The following EYA2 variants were observed in gnomAD, a reference collection of about 807,000 sequenced individuals.
EYA2 encodes EYA transcriptional coactivator and phosphatase 2, also known as protein phosphatase EYA2.
Under a neutral mutation model 69.2 loss-of-function variants are expected in EYA2, and 31 were observed. That is an observed-to-expected ratio of 0.45 (90% CI 0.34 to 0.60). EYA2 has a LOEUF of 0.60. Ranked by LOEUF, EYA2 falls within the 20% of genes least tolerant of loss-of-function variation. The pLI, the probability that EYA2 is intolerant of heterozygous loss-of-function variation, is 0.02. For missense variants in EYA2, 622 were observed against 701.2 expected (o/e 0.89, Z 1.28); for synonymous variants, 257 against 279.4 (o/e 0.92, Z 0.80).
intron 5 of EYA2, among the ~76,000 whole-genome samples, chr20:47,021,163 C>T (rs891305671): frequency 6.6e-6 from 1 of 152,146 alleles, no homozygotes; most frequent in African/African-American, 2.4e-5. Context: ...ACATTGTTAG[C>T]CTCACTTCAG....
At chr20:46,977,810 C>T (rs1436462929) in intron 1 of EYA2, among the ~76,000 whole-genome samples, 1 of 152,138 alleles carries the variant, frequency 6.6e-6, no homozygotes, top group African/African-American at 2.4e-5. Flanking sequence ...GACACTTCCC[C>T]ATGTTAAGGG....
intron 9 of EYA2, among the ~76,000 whole-genome samples, chr20:47,128,124 C>T (rs1171944762): frequency 1.3e-5 from 2 of 152,142 alleles, no homozygotes; most frequent in African/African-American, 4.8e-5. Context: ...CTGAGCCCTT[C>T]GGGGGCAGCT....
At chr20:47,001,280 G>T (rs1982350066) in intron 2 of EYA2, 148 bp from the exon 3 acceptor site, 3 of 708,046 alleles carry the variant, frequency 4.2e-6, no homozygotes, top group Non-Finnish European at 5.2e-6. Context: ...CTGAGATGTG[G>T]CGCCTCAGAT....
At chr20:46,946,461 T>C (rs1978462196) in intron 1 of EYA2, among the ~76,000 whole-genome samples, 1 of 152,188 alleles carries the variant, frequency 6.6e-6, no homozygotes, top group Non-Finnish European at 1.5e-5. Context: ...AAAAATATCA[T>C]TGTGCGAGGG....
chr20:46,914,791 C>G (rs776469573), intron 1 of EYA2, among the ~76,000 whole-genome samples: 3 of 152,164 alleles, frequency 2.0e-5, no homozygotes, highest in Non-Finnish European at 2.9e-5. Context: ...CTCTCAGATT[C>G]AAGGAGATAA....
chr20:46,952,918 C>T (rs888011247), intron 1 of EYA2, among the ~76,000 whole-genome samples: 8 of 152,188 alleles, frequency 5.3e-5, no homozygotes, highest in Non-Finnish European at 8.8e-5. Context: ...TATCAGGAGT[C>T]GTTGCACATC....
In EYA2 at chr20:47,161,469, A is replaced by G. The variant is rs546438694; in HGVS notation, c.979-7670A>G. The G allele has an allele frequency of 1.3e-5, 6 of 450,206 alleles. No homozygotes were observed. In the East Asian group the frequency reaches 2.9e-4, roughly 22 times the overall value. 27.9% of individuals were successfully genotyped at this position (450,206 alleles called of 1,614,324 possible). A position where few individuals can be genotyped will look rare whatever the true frequency, so the allele number is the denominator to read the frequency against. On this transcript the variant is annotated intron_variant, in intron 10 of 15. Coordinates refer to ENST00000327619, the MANE Select transcript of EYA2 (RefSeq NM_005244.5). ...AATGATCTCAAACTCTTTGATGGCCAGGAAGAAGAGATAGATCTCCTCCAG... is the reference window on the plus strand; with the variant it reads ...AATGATCTCAAACTCTTTGATGGCCGGGAAGAAGAGATAGATCTCCTCCAG...
rs1984359696 is a variant in EYA2, at chr20:46,906,408, AG to A, written c.-11+11425del. On this transcript the variant is annotated intron_variant, in intron 1 of 15. Transcript: ENST00000327619. ...AGAATTGCAATGCTGTGCTGCTTTC[AG>A]GGGAATAAAATGAAACAAATGCAGT... 3.3e-5 allele frequency among the ~76,000 whole-genome samples: 5 copies of A among 152,238 alleles called. No individual in the cohort carries two copies. In the South Asian group the frequency reaches 1.0e-3, roughly 32 times the overall value.
intron 1 of EYA2, among the ~76,000 whole-genome samples, chr20:46,947,579 A>G (rs1445834504): frequency 6.6e-6 from 1 of 152,204 alleles, no homozygotes; most frequent in Non-Finnish European, 1.5e-5. Context: ...TGAGTGCCTT[A>G]AATCAACAGA....
At chr20:47,032,957 C>G (rs1224110541) in intron 5 of EYA2, among the ~76,000 whole-genome samples, 1 of 152,224 alleles carries the variant, frequency 6.6e-6, no homozygotes, top group Non-Finnish European at 1.5e-5. Context: ...ATGTGTCTCC[C>G]TTTGTGGCAA....
intron 14 of EYA2, among the ~76,000 whole-genome samples, chr20:47,182,093 ACAACCTCCGCCTCCTGGGTTCAAG>A (rs1348439868): frequency 1.3e-5 from 2 of 151,802 alleles, no homozygotes; most frequent in East Asian, 3.9e-4. Flanking sequence ...TCGGCTCACT[ACAACCTCCGCCTCCTGGGTTCAAG>A]CAGTTCTCCT....
intron 10 of EYA2, among the ~76,000 whole-genome samples, chr20:47,163,499 G>A (rs1482967981): frequency 2.0e-5 from 3 of 151,984 alleles, no homozygotes; most frequent in Non-Finnish European, 2.9e-5. Flanking sequence ...GGGAGTTCAA[G>A]ACCGGCCTGA....
intron 1 of EYA2, among the ~76,000 whole-genome samples, chr20:46,905,267 A>T (rs375529402): frequency 1.3e-5 from 2 of 152,300 alleles, no homozygotes; most frequent in East Asian, 3.9e-4. Context: ...AGATCGAGTG[A>T]CTGCCCAGCG....
chr20:46,956,450 C>T (rs1484515661), intron 1 of EYA2, among the ~76,000 whole-genome samples: 1 of 152,180 alleles, frequency 6.6e-6, no homozygotes, highest in Non-Finnish European at 1.5e-5. Context: ...AGATGGGTGT[C>T]CTCCATGTGG....
intron 10 of EYA2, among the ~76,000 whole-genome samples, chr20:47,167,939 G>T (rs550725791): frequency 2.6e-5 from 4 of 152,118 alleles, no homozygotes; most frequent in African/African-American, 9.7e-5. Context: ...GGATCAGATC[G>T]CATGCTCATG....
intron 1 of EYA2, among the ~76,000 whole-genome samples, chr20:46,921,126 G>A (rs6124893): frequency 0.12 from 17,519 of 152,160 alleles, 1,478 homozygotes; most frequent in East Asian, 0.48. Context: ...CCACACCTCC[G>A]CTGGCTCTTA....
chr20:47,140,389 TCA>T (rs936907150), intron 9 of EYA2, among the ~76,000 whole-genome samples: 2 of 151,998 alleles, frequency 1.3e-5, no homozygotes, highest in African/African-American at 4.8e-5. Context: ...GCCTGATTCT[TCA>T]CAGTTGTGTG....
intron 2 of EYA2, 146 bp from the exon 3 acceptor site, chr20:47,001,282 G>A (rs555109139): frequency 5.3e-5 from 38 of 712,224 alleles, no homozygotes; most frequent in Non-Finnish European, 5.7e-5. Flanking sequence ...GAGATGTGGC[G>A]CCTCAGATAA....
intron 7 of EYA2, 44 bp from the exon 8 acceptor site, chr20:47,089,195 C>A: frequency 6.2e-7 from 1 of 1,603,248 alleles, no homozygotes; most frequent in Non-Finnish European, 8.5e-7. Context: ...AGGAGACACC[C>A]AGCAAAGCTT....
Sources: allele counts gnomAD v4.1 joint callset (sites outside exome capture counted in the v4.1 genomes callset), GRCh38; gene constraint gnomAD v4.1.1; transcripts MANE v1.5; gene names NCBI Gene and HGNC (gene_info 2026-07-23, HGNC 2026-07-21).